The following PRR35 variants were observed in gnomAD, a reference collection of about 807,000 sequenced individuals.
The protein encoded by PRR35 is proline rich 35.
In PRR35, 14 loss-of-function variants were observed where a neutral mutation model predicts 18.6. The observed-to-expected ratio is 0.75, with a 90% CI of 0.50 to 1.18. PRR35 has a LOEUF of 1.18. Among genes scored for constraint, PRR35 ranks in the 50% most tolerant of loss-of-function variants. PRR35 has a pLI of 0.00. For synonymous variants in PRR35, 425 were observed against 378.2 expected, an observed-to-expected ratio of 1.12 and a Z score of -1.43; for missense variants, 832 against 792.2, an observed-to-expected ratio of 1.05 and a Z score of -0.60.
rs756774472 is a variant in PRR35, at chr16:565,301, G to A, written c.1710G>A (p.Glu570=). Residue 570 remains glutamate (E), a synonymous_variant, in exon 3 of 3, where the codon GAG becomes GAA. Transcript: ENST00000409413. ...VCGLQSPQGA[E]V ...GCCTGCAGAGCCCCCAGGGCGCCGA[G>A]GTCTGACCTGCAGCGCCTGAGGTCT... 6.7e-7 allele frequency: 1 copy of A among 1,503,246 alleles called. No homozygotes were observed. The highest frequency in any genetic ancestry group is 8.9e-7 in the Non-Finnish European group (1 of 1,125,672). The allele number at this position is 1,503,246 out of a possible 1,614,324, so 93.1% of individuals were successfully genotyped here.
intron 1 of PRR35, among the ~76,000 whole-genome samples, chr16:562,821 C>T (rs1466726694): frequency 6.6e-6 from 1 of 152,204 alleles, no homozygotes; most frequent in Non-Finnish European, 1.5e-5. Flanking sequence ...GTGGGCTGAA[C>T]TATCCTAGAA....
chr16:562,858 A>C (rs1048107785), intron 1 of PRR35, among the ~76,000 whole-genome samples: 1 of 152,216 alleles, frequency 6.6e-6, no homozygotes, highest in Non-Finnish European at 1.5e-5. Context: ...GCCTGGCCTC[A>C]GGGGTGGGGA....
rs2035502610 is a variant in PRR35 at position 564,742 on chromosome 16, G to A, written c.1151G>A (p.Gly384Asp). 1.3e-6 allele frequency: 2 copies of A among 1,535,388 alleles called. No homozygotes were observed. Among genetic ancestry groups the A allele is most frequent in the East Asian group, 2.4e-5 (1 of 41,056 alleles). Residue 384 changes from glycine (G) to aspartate (D), a missense_variant, in exon 3 of 3, where the codon GGC becomes GAC. Gly to Asp is a moderately conservative substitution (Grantham distance 94). This residue lies in a region of PRR35 where 768 missense variants were observed against 704.1 expected (regional missense o/e 1.09). Coordinates refer to ENST00000409413, the MANE Select transcript of PRR35 (RefSeq NM_145270.3). ...GATCCAGGCGGCCCTGAGACCCCCGGCCCTGAGGGCCCCCTCCCCCTGCAG... is the reference window on the plus strand; with the variant it reads ...GATCCAGGCGGCCCTGAGACCCCCGACCCTGAGGGCCCCCTCCCCCTGCAG... ...DGDPGGPETP[G>D]PEGPLPLQPR...
Position 564,944 on chromosome 16 carries a change from CCAGGCGCTGGAG to C in PRR35, c.1359_1370del (p.Leu454_Ala457del). 6.2e-7 allele frequency: 1 copy of C among 1,604,974 alleles called. No individual in the cohort carries two copies. Among genetic ancestry groups the C allele is most frequent in the Non-Finnish European group, 8.5e-7 (1 of 1,178,164 alleles). ...TCCGCCTGGAGCTGCTCACCATTCA[CCAGGCGCTGGAG>C]CAGGCCGTGAGGCCGCCAGACGCAC... On this transcript the variant is annotated inframe_deletion, in exon 3 of 3. Transcript: ENST00000409413.
Position 564,913 on chromosome 16 carries a change from G to A in PRR35, c.1322G>A (p.Gly441Asp). 4.4e-6 allele frequency: 7 copies of A among 1,596,776 alleles called. No homozygotes were observed. The highest frequency in any genetic ancestry group is 2.7e-5 in the African/African-American group (2 of 74,660). ...LAPRPLREQLGKIRLELLTIH... is the reference protein window; with the variant it reads ...LAPRPLREQLDKIRLELLTIH... ...CCGAGACCCCTGCGGGAGCAGCTGG[G>A]CAAGATCCGCCTGGAGCTGCTCACC... is the stretch of plus-strand genomic sequence containing the variant. The change falls in exon 3 of 3, where the codon GGC (glycine) becomes GAC (aspartate). Residue 441 changes from glycine (G) to aspartate (D), a missense_variant. Coordinates refer to ENST00000409413, the MANE Select transcript of PRR35 (RefSeq NM_145270.3).
intron 1 of PRR35, among the ~76,000 whole-genome samples, chr16:562,041 G>T (rs188560641): frequency 2.6e-5 from 4 of 152,256 alleles, no homozygotes; most frequent in Admixed American, 6.5e-5. Flanking sequence ...TGAGGGCTCT[G>T]TGTGAGCCTG....
At chr16:562,454 A>ACATGCGCATG (rs1567168580) in intron 1 of PRR35, among the ~76,000 whole-genome samples, 4 of 152,178 alleles carry the variant, frequency 2.6e-5, no homozygotes, top group Non-Finnish European at 4.4e-5. Context: ...ATGCATGCAC[A>ACATGCGCATG]CATGCACACA....
At position 565,356 on chromosome 16, in the gene PRR35, C is replaced by G; in HGVS notation, c.*49C>G. 7.1e-7 allele frequency: 1 copy of G among 1,417,298 alleles called. No individual in the cohort carries two copies. The highest frequency in any genetic ancestry group is 2.9e-5 in the Admixed American group (1 of 33,960). The allele number at this position is 1,417,298 out of a possible 1,614,324, so 87.8% of individuals were successfully genotyped here. A position where few individuals can be genotyped will look rare whatever the true frequency, so the allele number is the denominator to read the frequency against. ...GTCTCTGCCTGCAGCATGCCGGCCC[C>G]TCTCCTGCAGCCCCTGCCCCTCACC... On this transcript the variant is annotated 3_prime_UTR_variant, in exon 3 of 3. Transcript: ENST00000409413.
At chr16:562,554 C>T (rs993786237) in intron 1 of PRR35, among the ~76,000 whole-genome samples, 7 of 151,644 alleles carry the variant, frequency 4.6e-5, no homozygotes, top group South Asian at 2.1e-4. Context: ...CGCACATGCA[C>T]GCACACACAC....
chr16:564,937 C>T lies in PRR35; in HGVS notation c.1346C>T (p.Thr449Ile). Reference sequence around the variant, plus strand: ...GGCAAGATCCGCCTGGAGCTGCTCACCATTCACCAGGCGCTGGAGCAGGCC... The same window carrying T: ...GGCAAGATCCGCCTGGAGCTGCTCATCATTCACCAGGCGCTGGAGCAGGCC... ...QLGKIRLELL[T>I]IHQALEQAVR... is the part of the protein sequence containing the mutation. Residue 449 changes from threonine to isoleucine, a missense_variant, in exon 3 of 3, where the codon ACC becomes ATC. Thr to Ile is a moderately conservative substitution (Grantham distance 89). Around this residue, in one of 3 missense-constraint regions of PRR35, gnomAD observed 768 missense variants for 704.1 expected, o/e 1.09. Coordinates refer to ENST00000409413, the MANE Select transcript of PRR35 (RefSeq NM_145270.3). 6.2e-7 allele frequency: 1 copy of T among 1,604,512 alleles called. No homozygotes were observed. Among genetic ancestry groups the T allele is most frequent in the Non-Finnish European group, 8.5e-7 (1 of 1,178,164 alleles).
At chr16:563,030 C>T (rs958923676) in intron 1 of PRR35, among the ~76,000 whole-genome samples, 3 of 148,238 alleles carry the variant, frequency 2.0e-5, no homozygotes, top group African/African-American at 7.4e-5. Context: ...GCTCGCTGTC[C>T]TGGACTTTTT....
At chr16:562,523 GCA>G (rs1010601626) in intron 1 of PRR35, among the ~76,000 whole-genome samples, 11 of 122,058 alleles carry the variant, frequency 9.0e-5, no homozygotes, top group South Asian at 7.1e-4. Flanking sequence ...ACACACAGGC[GCA>G]CACACGTGTG....
intron 1 of PRR35, among the ~76,000 whole-genome samples, chr16:561,311 C>T (rs371963669): frequency 3.3e-5 from 5 of 152,204 alleles, no homozygotes; most frequent in East Asian, 1.9e-4. Flanking sequence ...CGGGAGCCCC[C>T]GGTCCCTGCT....
chr16:561,311 CG>C (rs1316955889), intron 1 of PRR35, among the ~76,000 whole-genome samples: 3 of 152,204 alleles, frequency 2.0e-5, no homozygotes, highest in African/African-American at 7.2e-5. Context: ...CGGGAGCCCC[CG>C]GTCCCTGCTG....
intron 1 of PRR35, among the ~76,000 whole-genome samples, chr16:561,215 A>T (rs1397602579): frequency 6.6e-6 from 1 of 152,130 alleles, no homozygotes; most frequent in African/African-American, 2.4e-5. Context: ...TGCTCTGTGT[A>T]CACACACCAG....
chr16:559,830 G>A (rs2035405530), upstream of PRR35: 7 of 884,762 alleles, frequency 7.9e-6, no homozygotes, highest in Non-Finnish European at 8.1e-6. Flanking sequence ...CGGTTTAGAG[G>A]AAAAGAGAAC....
Position 564,783 on chromosome 16 carries a change from C to A in PRR35, c.1192C>A (p.Pro398Thr). 1 of 1,546,940 alleles carries A rather than the reference C, an allele frequency of 6.5e-7. No homozygotes were observed. Among genetic ancestry groups the A allele is most frequent in the Non-Finnish European group, 8.7e-7 (1 of 1,152,162 alleles). The change falls in exon 3 of 3, where the codon CCA becomes ACA. Residue 398 changes from proline to threonine, a missense_variant. Physicochemically the swap from Pro to Thr is conservative, Grantham distance 38. This residue lies in a region of PRR35 where 768 missense variants were observed against 704.1 expected (regional missense o/e 1.09). Transcript: ENST00000409413. ...PLPLQPRGPV[P>T]GSPEHVGEDL... is the part of the protein sequence containing the mutation. ...CCCCCTGCAGCCACGGGGCCCAGTG[C>A]CAGGAAGCCCGGAGCATGTGGGCGA...
chr16:560,706 G>C, intron 1 of PRR35, 45 bp downstream of exon 1: 1 of 980,330 alleles, frequency 1.0e-6, no homozygotes, highest in South Asian at 4.6e-5. Context: ...GGGCGTCGCG[G>C]GGCCGGCTGG....
In PRR35 at chr16:564,716, G is replaced by A. The variant is rs1443848544; in HGVS notation, c.1125G>A (p.Gly375=). The change falls in exon 3 of 3, where the codon GGG becomes GGA. Residue 375 remains glycine (G), a synonymous_variant. Coordinates refer to ENST00000409413, the MANE Select transcript of PRR35 (RefSeq NM_145270.3). Reference sequence around the variant, plus strand: ...CTGTGATGCTGTGGCCTGAGGACGGGGATCCAGGCGGCCCTGAGACCCCCG... The same window carrying A: ...CTGTGATGCTGTGGCCTGAGGACGGAGATCCAGGCGGCCCTGAGACCCCCG... ...GSSVMLWPED[G]DPGGPETPGP... is the part of the protein sequence containing the mutation. 1 of 1,533,786 alleles carries A rather than the reference G, an allele frequency of 6.5e-7. No homozygotes were observed. Among genetic ancestry groups the A allele is most frequent in the Admixed American group, 2.0e-5 (1 of 51,046 alleles).
Sources: allele counts gnomAD v4.1 joint callset (sites outside exome capture counted in the v4.1 genomes callset), GRCh38; gene constraint gnomAD v4.1.1; regional missense constraint gnomAD v4.1.1; transcripts MANE v1.5; gene names NCBI Gene and HGNC (gene_info 2026-07-23, HGNC 2026-07-21).